MAST4: variants seen among roughly 807,000 people sequenced by gnomAD.
The protein encoded by MAST4 is microtubule-associated serine/threonine-protein kinase 4.
MAST4 carries 89 observed loss-of-function variants against 162.7 expected under a neutral mutation model. The observed-to-expected ratio is 0.55, with a 90% CI of 0.46 to 0.65. MAST4 has a LOEUF of 0.65. Among genes scored for constraint, MAST4 ranks in the 30% least tolerant of loss-of-function variants. MAST4 has a pLI of 0.00. For synonymous variants in MAST4, 1,479 were observed against 1,361.1 expected (o/e 1.09, Z -1.91); for missense variants, 3,153 against 3,374.0 (o/e 0.93, Z 1.62).
intron 4 of MAST4, among the ~76,000 whole-genome samples, chr5:66,945,432 C>G (rs1743905631): frequency 6.6e-6 from 1 of 152,104 alleles, no homozygotes; most frequent in Non-Finnish European, 1.5e-5. Context: ...CCACAAAATC[C>G]AACTTTACAC....
At chr5:66,742,891 T>G (rs1752551707) in intron 1 of MAST4, among the ~76,000 whole-genome samples, 1 of 152,170 alleles carries the variant, frequency 6.6e-6, no homozygotes, top group Non-Finnish European at 1.5e-5. Flanking sequence ...GTTGCTCACA[T>G]GCTCATAACC....
intron 3 of MAST4, among the ~76,000 whole-genome samples, chr5:66,872,219 G>A (rs962712076): frequency 6.6e-6 from 1 of 152,140 alleles, no homozygotes; most frequent in Non-Finnish European, 1.5e-5. Flanking sequence ...ACCCAGGCTG[G>A]AGTGCAGTGG....
At chr5:67,118,261 C>T (rs939552612) in intron 12 of MAST4, among the ~76,000 whole-genome samples, 1 of 152,170 alleles carries the variant, frequency 6.6e-6, no homozygotes, top group Non-Finnish European at 1.5e-5. Flanking sequence ...GAATGGAACA[C>T]GAGATATGCA....
chr5:66,666,544 T>C (rs574234377), intron 1 of MAST4, among the ~76,000 whole-genome samples: 1 of 152,366 alleles, frequency 6.6e-6, no homozygotes, highest in South Asian at 2.1e-4. Context: ...TTGGGACAGT[T>C]GTTATCACAT....
chr5:66,819,120 G>T (rs1467707678), intron 3 of MAST4, among the ~76,000 whole-genome samples: 4 of 152,154 alleles, frequency 2.6e-5, no homozygotes, highest in Non-Finnish European at 5.9e-5. Flanking sequence ...TAGTTGGCAG[G>T]TGGCAGCCTC....
intron 3 of MAST4, among the ~76,000 whole-genome samples, chr5:66,851,929 A>T (rs780453722): frequency 6.6e-6 from 1 of 152,186 alleles, no homozygotes; most frequent in South Asian, 2.1e-4. Context: ...CTTATTGTAT[A>T]ATCTGGCGAG....
chr5:66,742,578 C>T lies in MAST4; in HGVS notation c.364-17131C>T, dbSNP rs1364928876. 9.9e-5 allele frequency among the ~76,000 whole-genome samples: 15 copies of T among 152,166 alleles called. 1 individual carries two copies. The highest frequency in any genetic ancestry group is 9.8e-4 in the Admixed American group (15 of 15,272). ...CAGTCCTTGGGGGCTGCCTGGAAGA[C>T]TCAAGGGACTCTTGACAAATTATTT... is the stretch of plus-strand genomic sequence containing the variant. On this transcript the variant is annotated intron_variant, in intron 1 of 28. Transcript: ENST00000403625.
intron 1 of MAST4, among the ~76,000 whole-genome samples, chr5:66,745,720 T>G (rs1417095629): frequency 6.6e-6 from 1 of 152,254 alleles, no homozygotes; most frequent in Non-Finnish European, 1.5e-5. Flanking sequence ...TCCCGACTTT[T>G]GCCATGTTGT....
intron 3 of MAST4, among the ~76,000 whole-genome samples, chr5:66,856,446 C>A (rs1759690843): frequency 6.6e-6 from 1 of 152,138 alleles, no homozygotes; most frequent in African/African-American, 2.4e-5. Flanking sequence ...ATGGAGAAAT[C>A]CTTTTGTATA....
At chr5:66,622,550 G>C (rs1015303893) in intron 1 of MAST4, among the ~76,000 whole-genome samples, 5 of 152,022 alleles carry the variant, frequency 3.3e-5, no homozygotes, top group Non-Finnish European at 5.9e-5. Flanking sequence ...AAGAGGCTTG[G>C]AGTGAAAACA....
chr5:67,100,623 A>C, intron 8 of MAST4, 31 bp downstream of exon 8: 3 of 1,612,362 alleles, frequency 1.9e-6, no homozygotes, highest in Non-Finnish European at 2.5e-6. Flanking sequence ...ACCATTACTT[A>C]GTTGGATTCT....
chr5:66,854,342 T>C (rs1026182858), intron 3 of MAST4, among the ~76,000 whole-genome samples: 2 of 152,240 alleles, frequency 1.3e-5, no homozygotes, highest in African/African-American at 2.4e-5. Context: ...TTGTGACCAA[T>C]GACTCCAAAA....
intron 1 of MAST4, among the ~76,000 whole-genome samples, chr5:66,637,389 G>A (rs1478017609): frequency 6.6e-6 from 1 of 151,944 alleles, no homozygotes; most frequent in Non-Finnish European, 1.5e-5. Flanking sequence ...TGTTGGATAT[G>A]TATTGTCACA....
intron 2 of MAST4, among the ~76,000 whole-genome samples, chr5:66,772,407 G>A (rs889097744): frequency 1.3e-5 from 2 of 152,084 alleles, no homozygotes; most frequent in African/African-American, 2.4e-5. Context: ...CTTGACATAC[G>A]CTACTGGGTT....
At chr5:66,891,977 T>G (rs1006603662) in intron 3 of MAST4, among the ~76,000 whole-genome samples, 2 of 152,228 alleles carry the variant, frequency 1.3e-5, no homozygotes, top group Admixed American at 1.3e-4. Flanking sequence ...TGACACCTAT[T>G]CTTGTGGCTG....
intron 3 of MAST4, among the ~76,000 whole-genome samples, chr5:66,844,698 C>A (rs1758686483): frequency 6.6e-6 from 1 of 152,048 alleles, no homozygotes; most frequent in Non-Finnish European, 1.5e-5. Flanking sequence ...GTTAGCCTGA[C>A]ATGACACATA....
In MAST4 at chr5:66,684,357, AT is replaced by A. The variant is rs113471549; in HGVS notation, c.364-75343del. On this transcript the variant is annotated intron_variant, in intron 1 of 28. Transcript: ENST00000403625. ...ATGTAGTGCTTCTTTTCTTCCAGCT[AT>A]TTTTTTTTCTCTTTTCTTTTTTATG... Among the ~76,000 whole-genome samples the A allele has an allele frequency of 1.5e-4, 23 of 151,630 alleles. No individual in the cohort carries two copies. The East Asian group carries it at 3.7e-3, about 24-fold the overall frequency.
At chr5:66,884,744 A>G (rs755941473) in intron 3 of MAST4, among the ~76,000 whole-genome samples, 11 of 152,206 alleles carry the variant, frequency 7.2e-5, no homozygotes, top group African/African-American at 2.7e-4. Flanking sequence ...ATGAAAAAAG[A>G]CGGCTAGCCG....
At chr5:67,067,124 C>A (rs1381709325) in intron 5 of MAST4, among the ~76,000 whole-genome samples, 1 of 152,208 alleles carries the variant, frequency 6.6e-6, no homozygotes, top group Non-Finnish European at 1.5e-5. Context: ...GAGGACTATA[C>A]TTTAGTGTAG....
Sources: allele counts gnomAD v4.1 joint callset (sites outside exome capture counted in the v4.1 genomes callset), GRCh38; gene constraint gnomAD v4.1.1; transcripts MANE v1.5; gene names NCBI Gene and HGNC (gene_info 2026-07-23, HGNC 2026-07-21).